Variants in RANBP2 observed in about 807,000 individuals in gnomAD.
The protein encoded by RANBP2 is E3 SUMO-protein ligase RanBP2.
A neutral mutation model predicts 303.6 loss-of-function variants in RANBP2; 57 were observed. The ratio of observed to expected loss-of-function variants is 0.19; its 90% CI spans 0.15 to 0.23. RANBP2 has a LOEUF of 0.23. Ranked by LOEUF, RANBP2 falls within the 10% of genes least tolerant of loss-of-function variation. The pLI is 1.00. For synonymous variants in RANBP2, 1,167 were observed against 1,301.5 expected (o/e 0.90, Z 2.23); for missense variants, 3,138 against 3,780.8 (o/e 0.83, Z 4.46).
the RANBP2 span, among the ~76,000 whole-genome samples, chr2:108,954,158 C>T: frequency 6.6e-6 from 1 of 152,092 alleles, no homozygotes; most frequent in Admixed American, 6.5e-5. Flanking sequence ...TAAAATCCTG[C>T]AGTTATGGCA....
chr2:109,420,026 C>T, the RANBP2 span, among the ~76,000 whole-genome samples: 1 of 152,196 alleles, frequency 6.6e-6, no homozygotes, highest in Non-Finnish European at 1.5e-5. Context: ...GCTTGGGTAG[C>T]CACTAGTCAC....
chr2:109,399,054 T>G, the RANBP2 span: 1 of 1,241,154 alleles, frequency 8.1e-7, no homozygotes, highest in South Asian at 1.5e-5. Flanking sequence ...GCCCCAGAAC[T>G]GCCTTTTGGG....
chr2:108,727,309 T>C (rs1017794125), intron 1 of RANBP2, among the ~76,000 whole-genome samples: 1 of 152,196 alleles, frequency 6.6e-6, no homozygotes, highest in African/African-American at 2.4e-5. Context: ...AACAAATCTT[T>C]TGTCCATGAA....
chr2:108,960,835 C>A, the RANBP2 span, among the ~76,000 whole-genome samples: 2 of 152,194 alleles, frequency 1.3e-5, no homozygotes, highest in African/African-American at 4.8e-5. Flanking sequence ...TAATGAGCCT[C>A]TTCATTTGAA....
chr2:109,098,833 GT>G, the RANBP2 span, among the ~76,000 whole-genome samples: 2 of 152,204 alleles, frequency 1.3e-5, no homozygotes, highest in African/African-American at 4.8e-5. Flanking sequence ...GGAAGTGACT[GT>G]ATTTCCTGTA....
chr2:108,937,963 GAT>G, the RANBP2 span, among the ~76,000 whole-genome samples: 1 of 152,320 alleles, frequency 6.6e-6, no homozygotes, highest in Non-Finnish European at 1.5e-5. Context: ...TTTGAATTGA[GAT>G]AATACTCAGA....
the RANBP2 span, among the ~76,000 whole-genome samples, chr2:109,603,304 G>C: frequency 6.6e-6 from 1 of 151,326 alleles, no homozygotes; most frequent in South Asian, 2.1e-4. Context: ...GCGCAATCTC[G>C]GCTCACTGCA....
the RANBP2 span, among the ~76,000 whole-genome samples, chr2:109,308,362 A>G: frequency 6.0e-5 from 6 of 100,702 alleles, no homozygotes; most frequent in Non-Finnish European, 1.1e-4. Flanking sequence ...ATTTTCTCCC[A>G]TTTTGTAGGT....
At chr2:109,521,497 T>G in the RANBP2 span, among the ~76,000 whole-genome samples, 1 of 152,212 alleles carries the variant, frequency 6.6e-6, no homozygotes, top group South Asian at 2.1e-4. Flanking sequence ...CCTGGAAGTG[T>G]CCGAGTGAAG....
the RANBP2 span, chr2:108,940,193 G>C: frequency 6.6e-6 from 1 of 152,308 alleles, no homozygotes. Context: ...AGGCGGTAAA[G>C]ATGACTGCCA....
At chr2:109,505,078 C>T in the RANBP2 span, among the ~76,000 whole-genome samples, 1 of 152,192 alleles carries the variant, frequency 6.6e-6, no homozygotes, top group Non-Finnish European at 1.5e-5. Context: ...CTGGTCTTAC[C>T]CTTGTCTCTC....
At chr2:109,598,081 A>C in the RANBP2 span, among the ~76,000 whole-genome samples, 1 of 152,020 alleles carries the variant, frequency 6.6e-6, no homozygotes, top group East Asian at 1.9e-4. Context: ...GTTTTTTTTG[A>C]GATGGAGTCT....
At chr2:109,670,648 G>A in the RANBP2 span, among the ~76,000 whole-genome samples, 8 of 152,144 alleles carry the variant, frequency 5.3e-5, no homozygotes, top group Admixed American at 1.3e-4. Flanking sequence ...GCTGCTGCTC[G>A]AAGCCAGTGG....
chr2:109,541,756 T>C, the RANBP2 span, among the ~76,000 whole-genome samples: 1 of 152,184 alleles, frequency 6.6e-6, no homozygotes, highest in Non-Finnish European at 1.5e-5. Flanking sequence ...TCAGGACCAG[T>C]CACTTCTTTG....
the RANBP2 span, among the ~76,000 whole-genome samples, chr2:109,591,869 C>G: frequency 6.6e-6 from 1 of 152,006 alleles, no homozygotes; most frequent in African/African-American, 2.4e-5. Flanking sequence ...TGCACTCCAG[C>G]CTGGGCAACA....
chr2:108,889,259 A>C, the RANBP2 span, among the ~76,000 whole-genome samples: 1 of 152,178 alleles, frequency 6.6e-6, no homozygotes, highest in Admixed American at 6.5e-5. Flanking sequence ...TGATGAAAGA[A>C]TGTATATTCT....
chr2:108,939,973 T>C, the RANBP2 span, among the ~76,000 whole-genome samples: 1 of 152,198 alleles, frequency 6.6e-6, no homozygotes, highest in Admixed American at 6.5e-5. Context: ...CTGATTCTGC[T>C]TCACAACAAA....
the RANBP2 span, among the ~76,000 whole-genome samples, chr2:108,950,008 A>C: frequency 4.6e-5 from 7 of 152,304 alleles, no homozygotes. Context: ...AACTGGACAA[A>C]TCAATTGTCA....
the RANBP2 span, among the ~76,000 whole-genome samples, chr2:108,891,425 T>G: frequency 2.6e-5 from 4 of 152,236 alleles, no homozygotes; most frequent in African/African-American, 9.6e-5. Flanking sequence ...TATGATTTTT[T>G]AGGCTGTAAG....
Sources: allele counts gnomAD v4.1 joint callset (sites outside exome capture counted in the v4.1 genomes callset), GRCh38; gene constraint gnomAD v4.1.1; transcripts MANE v1.5; gene names NCBI Gene and HGNC (gene_info 2026-07-23, HGNC 2026-07-21).